The following PPP1R10 variants were observed in gnomAD, a reference collection of about 807,000 sequenced individuals.
The protein encoded by PPP1R10 is serine/threonine-protein phosphatase 1 regulatory subunit 10.
A neutral mutation model predicts 99.0 loss-of-function variants in PPP1R10; 15 were observed. That is an observed-to-expected ratio of 0.15 (90% confidence interval 0.10 to 0.23). The LOEUF (loss-of-function observed/expected upper bound fraction) is 0.23, where lower values mean the gene tolerates loss of function less well. Among genes scored for constraint, PPP1R10 ranks in the 10% least tolerant of loss-of-function variants. PPP1R10 has a pLI of 1.00. For synonymous variants in PPP1R10, 430 were observed against 449.5 expected (o/e 0.96, Z 0.55); for missense variants, 947 against 1,259.4 (o/e 0.75, Z 3.75).
At position 30,609,299 on chromosome 6, in the gene PPP1R10, C is replaced by G; in HGVS notation, c.108-136G>C. The G allele has an allele frequency of 1.4e-6, 1 of 716,632 alleles. No individual in the cohort carries two copies. Among genetic ancestry groups the G allele is most frequent in the Non-Finnish European group, 2.4e-6 (1 of 420,470 alleles). 44.4% of individuals were successfully genotyped at this position (716,632 alleles called of 1,614,324 possible). On this transcript the variant is annotated intron_variant, in intron 3 of 19. Transcript: ENST00000376511. This position sits in a 1 kb window ranked among gnomAD's most constrained non-coding sequence, Gnocchi z 4.5. Reference sequence around the variant, plus strand: ...CAGAGAAGGGGAGTCACATATACCTCTAGGAAGATGGGATGGATCCAGTGT... The same window carrying G: ...CAGAGAAGGGGAGTCACATATACCTGTAGGAAGATGGGATGGATCCAGTGT...
chr6:30,615,402 AC>A (rs1294239489), intron 2 of PPP1R10, among the ~76,000 whole-genome samples: 1 of 151,724 alleles, frequency 6.6e-6, no homozygotes, highest in Non-Finnish European at 1.5e-5. Flanking sequence ...ACCATCGACC[AC>A]CCCCATCCTC....
chr6:30,602,486 T>TGGAGGA lies in PPP1R10; in HGVS notation c.2157_2162dup (p.Pro720_Pro721dup), dbSNP rs747432159. ...AGCGACCTCCTCTGGCGCCTCGGAA[T>TGGAGGA]GGAGGAGGAGGAGGAGGAGGTTCGT... On this transcript the variant is annotated inframe_insertion, in exon 19 of 20. Coordinates refer to ENST00000376511, the MANE Select transcript of PPP1R10 (RefSeq NM_002714.4). The surrounding 1 kb of genome is among the most constrained non-coding windows in gnomAD (Gnocchi z 6.7). The TGGAGGA allele has an allele frequency of 6.3e-6, 10 of 1,581,142 alleles. No individual in the cohort carries two copies. The highest frequency in any genetic ancestry group is 1.7e-4 in the Middle Eastern group (1 of 5,912).
chr6:30,615,944 T>C (rs1760470803), intron 2 of PPP1R10, among the ~76,000 whole-genome samples: 1 of 152,228 alleles, frequency 6.6e-6, no homozygotes, highest in African/African-American at 2.4e-5. Flanking sequence ...TTTAAAAAGT[T>C]ATAGCGAGCT....
At chr6:30,611,151 A>G (rs73433141) in intron 2 of PPP1R10, among the ~76,000 whole-genome samples, 6 of 152,254 alleles carry the variant, frequency 3.9e-5, no homozygotes, top group East Asian at 1.9e-4. Context: ...TCTACAAAAC[A>G]TAAGTCGAGT....
chr6:30,602,102 T>G lies in PPP1R10; in HGVS notation c.2547A>C (p.Glu849Asp). ...CATGGGGCCCCCCGTGTCCAGGGCC[T>G]TCATGGGGACGATGTCCACCACTTC... ...MGGSGGHRPH[E>D]GPGHGGPHGH... The change falls in exon 19 of 20, where the codon GAA (glutamate) becomes GAC (aspartate). Residue 849 changes from glutamate to aspartate, a missense_variant. Coordinates refer to ENST00000376511, the MANE Select transcript of PPP1R10 (RefSeq NM_002714.4). This position sits in a 1 kb window ranked among gnomAD's most constrained non-coding sequence, Gnocchi z 6.7. 1 of 1,598,470 alleles carries G rather than the reference T, an allele frequency of 6.3e-7. No individual in the cohort carries two copies. The highest frequency in any genetic ancestry group is 8.5e-7 in the Non-Finnish European group (1 of 1,171,500).
chr6:30,609,743 T>C lies in PPP1R10; in HGVS notation c.107+95A>G, dbSNP rs1207029625. The C allele has an allele frequency of 1.8e-6, 2 of 1,117,262 alleles. No individual in the cohort carries two copies. Among genetic ancestry groups the C allele is most frequent in the African/African-American group, 3.1e-5 (2 of 65,126 alleles). The allele number at this position is 1,117,262 out of a possible 1,614,324, so 69.2% of individuals were successfully genotyped here. On this transcript the variant is annotated intron_variant, in intron 3 of 19. Coordinates refer to ENST00000376511, the MANE Select transcript of PPP1R10 (RefSeq NM_002714.4). The surrounding 1 kb of genome is among the most constrained non-coding windows in gnomAD (Gnocchi z 4.5). ...TTGCACTGACTATCTTTCCCTTTCC[T>C]TTCCAGGATCATTCCAGTGTGCCTC... is the stretch of plus-strand genomic sequence containing the variant.
At position 30,606,307 on chromosome 6, in the gene PPP1R10, G is replaced by A. The variant is rs923019808; in HGVS notation, c.635-64C>T. On this transcript the variant is annotated intron_variant, in intron 8 of 19. Coordinates refer to ENST00000376511, the MANE Select transcript of PPP1R10 (RefSeq NM_002714.4). The surrounding 1 kb of genome is among the most constrained non-coding windows in gnomAD (Gnocchi z 6.3). ...CCCCAGACCCCCGAATTTTCCTCCC[G>A]TTCTCACCCGCAAATGTTCTTCTAG... 4.4e-6 allele frequency: 7 copies of A among 1,582,742 alleles called. No homozygotes were observed. Among genetic ancestry groups the A allele is most frequent in the Non-Finnish European group, 6.0e-6 (7 of 1,157,446 alleles).
Position 30,609,728 on chromosome 6 carries a change from T to C in PPP1R10, c.107+110A>G, listed in dbSNP as rs1804352962. 1 of 944,202 alleles carries C rather than the reference T, an allele frequency of 1.1e-6. No individual in the cohort carries two copies. Among genetic ancestry groups the C allele is most frequent in the Non-Finnish European group, 1.7e-6 (1 of 585,698 alleles). 58.5% of individuals were successfully genotyped at this position (944,202 alleles called of 1,614,324 possible). A position where few individuals can be genotyped will look rare whatever the true frequency, so the allele number is the denominator to read the frequency against. ...TACATTTTAATCCTATTGCACTGAC[T>C]ATCTTTCCCTTTCCTTTCCAGGATC... On this transcript the variant is annotated intron_variant, in intron 3 of 19. Coordinates refer to ENST00000376511, the MANE Select transcript of PPP1R10 (RefSeq NM_002714.4). The surrounding 1 kb of genome is among the most constrained non-coding windows in gnomAD (Gnocchi z 4.5).
chr6:30,616,075 C>T (rs150466685), intron 2 of PPP1R10, among the ~76,000 whole-genome samples: 2 of 152,340 alleles, frequency 1.3e-5, no homozygotes, highest in Admixed American at 6.5e-5. Flanking sequence ...TTCTGGGCCA[C>T]AAGATCCACC....
chr6:30,602,534 T>G lies in PPP1R10; in HGVS notation c.2115A>C (p.Arg705Ser). The part of the protein sequence containing the change: ...GPGPGPGPYH[R>S]GRGGRGGNEP... ...CGTTTCCTCCTCGGCCACCTCGGCC[T>G]CTATGGTATGGTCCAGGACCTGGTC... Residue 705 changes from arginine (R) to serine (S), a missense_variant, in exon 19 of 20, where the codon AGA (arginine) becomes AGC (serine). This residue lies in a region of PPP1R10 where 525 missense variants were observed against 578.8 expected (regional missense o/e 0.91). Transcript: ENST00000376511. The surrounding 1 kb of genome is among the most constrained non-coding windows in gnomAD (Gnocchi z 6.7). 6.4e-7 allele frequency: 1 copy of G among 1,571,228 alleles called. No homozygotes were observed. Among genetic ancestry groups the G allele is most frequent in the Non-Finnish European group, 8.6e-7 (1 of 1,157,706 alleles).
At chr6:30,614,397 C>T (rs1307667926) in intron 2 of PPP1R10, among the ~76,000 whole-genome samples, 3 of 152,094 alleles carry the variant, frequency 2.0e-5, no homozygotes, top group African/African-American at 7.2e-5. Flanking sequence ...TTACAACTGC[C>T]GCCTCCTTTC....
chr6:30,607,823 C>T lies in PPP1R10; in HGVS notation c.382+17G>A. On this transcript the variant is annotated intron_variant, in intron 6 of 19. Coordinates refer to ENST00000376511, the MANE Select transcript of PPP1R10 (RefSeq NM_002714.4). ...TAATAGAGAAAAGCCCATGAGAGAG[C>T]AGAAGTGGCACCCTACCTTCATCCT... 6.2e-7 allele frequency: 1 copy of T among 1,609,912 alleles called. No individual in the cohort carries two copies. The highest frequency in any genetic ancestry group is 8.5e-7 in the Non-Finnish European group (1 of 1,177,216).
At position 30,604,423 on chromosome 6, in the gene PPP1R10, T is replaced by C; in HGVS notation, c.1191A>G (p.Lys397=). 6.2e-7 allele frequency: 1 copy of C among 1,613,604 alleles called. No homozygotes were observed. The highest frequency in any genetic ancestry group is 1.1e-5 in the South Asian group (1 of 91,088). Residue 397 remains lysine (K), a synonymous_variant, in exon 13 of 20, where the codon AAA becomes AAG. Coordinates refer to ENST00000376511, the MANE Select transcript of PPP1R10 (RefSeq NM_002714.4). This position sits in a 1 kb window ranked among gnomAD's most constrained non-coding sequence, Gnocchi z 7.3. ...NQLTRKGRKR[K]SVTWPEEGKL... ...TGCCTTCCTCAGGCCATGTCACACT[T>C]TTCCTCTTCCTGCCTTTCCGGGTCA...
At chr6:30,615,229 TAAA>T (rs5875265) in intron 2 of PPP1R10, among the ~76,000 whole-genome samples, 15 of 109,722 alleles carry the variant, frequency 1.4e-4, no homozygotes, top group Non-Finnish European at 1.2e-4. Context: ...ACCTTTTTAG[TAAA>T]AAAAAAAAAA....
At position 30,600,933 on chromosome 6, in the gene PPP1R10, T is replaced by C. The variant is rs1803246650; in HGVS notation, c.*616A>G. 6.5e-6 allele frequency: 1 copy of C among 152,814 alleles called. No homozygotes were observed. The highest frequency in any genetic ancestry group is 1.5e-5 in the Non-Finnish European group (1 of 68,170). The allele number at this position is 152,814 out of a possible 1,614,324, so 9.5% of individuals were successfully genotyped here. ...AACCTAGCAGACCCAGGACGCAGAC[T>C]GGGTGTTCACAGAAAGTTGAAGGTC... On this transcript the variant is annotated 3_prime_UTR_variant, in exon 20 of 20. Coordinates refer to ENST00000376511, the MANE Select transcript of PPP1R10 (RefSeq NM_002714.4).
At chr6:30,608,752 G>A (rs1804236656) in intron 5 of PPP1R10, 27 bp downstream of exon 5, 7 of 1,607,106 alleles carry the variant, frequency 4.4e-6, no homozygotes, top group Non-Finnish European at 6.0e-6. Flanking sequence ...AAAAAAGGAA[G>A]AATCAGGGTT....
At chr6:30,610,183 G>A (rs1207331033) in intron 2 of PPP1R10, among the ~76,000 whole-genome samples, 1 of 152,210 alleles carries the variant, frequency 6.6e-6, no homozygotes, top group African/African-American at 2.4e-5. Flanking sequence ...GAACAGGAAA[G>A]CAATTCGATT....
At position 30,604,974 on chromosome 6, in the gene PPP1R10, C is replaced by G. The variant is rs1803778864; in HGVS notation, c.954+20G>C. 45 of 1,608,004 alleles carry G rather than the reference C, an allele frequency of 2.8e-5. No homozygotes were observed. The East Asian group carries it at 1.0e-3, about 36-fold the overall frequency. Reference sequence around the variant, plus strand: ...ACCTTTTATACTCTGTCACTGAAACCTACTTCTGGGAGCCCATACCTTGGC... The same window carrying G: ...ACCTTTTATACTCTGTCACTGAAACGTACTTCTGGGAGCCCATACCTTGGC... On this transcript the variant is annotated intron_variant, in intron 11 of 19. Coordinates refer to ENST00000376511, the MANE Select transcript of PPP1R10 (RefSeq NM_002714.4). The surrounding 1 kb of genome is among the most constrained non-coding windows in gnomAD (Gnocchi z 7.3).
At position 30,609,512 on chromosome 6, in the gene PPP1R10, G is replaced by T. The variant is rs1309784349; in HGVS notation, c.107+326C>A. Among the ~76,000 whole-genome samples the T allele has an allele frequency of 6.6e-6, 1 of 152,106 alleles. No homozygotes were observed. The highest frequency in any genetic ancestry group is 1.5e-5 in the Non-Finnish European group (1 of 68,024). On this transcript the variant is annotated intron_variant, in intron 3 of 19. Coordinates refer to ENST00000376511, the MANE Select transcript of PPP1R10 (RefSeq NM_002714.4). The surrounding 1 kb of genome is among the most constrained non-coding windows in gnomAD (Gnocchi z 4.5). ...ATTTACTCTCCCCTGAAAAACCTGA[G>T]AATCCCTGAAGGAAAATAACATTAT...
Sources: gnomAD v4.1 joint callset for allele counts (sites outside exome capture counted in the v4.1 genomes callset) on GRCh38, gnomAD v4.1.1 for gene constraint, gnomAD v4.1.1 regional missense constraint, Gnocchi (gnomAD v3.1) non-coding constraint, MANE v1.5 for transcripts, NCBI Gene and HGNC (gene_info 2026-07-23, HGNC 2026-07-21) for gene names.